Variants in NUDT7 observed in about 807,000 individuals in gnomAD.
NUDT7 encodes the protein nudix hydrolase 7.
Under a neutral mutation model 13.1 loss-of-function variants are expected in NUDT7, and 19 were observed. The observed-to-expected ratio is 1.45, with a 90% CI of 1.01 to 2.13. The LOEUF is 2.13. Among genes scored for constraint, NUDT7 ranks in the 30% most tolerant of loss-of-function variants. NUDT7 has a pLI of 0.00. For missense variants in NUDT7, 360 were observed against 291.7 expected (o/e 1.23, Z -1.71); for synonymous variants, 132 against 109.7 (o/e 1.20, Z -1.27).
At position 77,735,808 on chromosome 16, in the gene NUDT7, G is replaced by A. The variant is rs775121530; in HGVS notation, c.190-20G>A. 3.2e-5 allele frequency: 52 copies of A among 1,607,310 alleles called. No individual in the cohort carries two copies. The highest frequency in any genetic ancestry group is 1.7e-4 in the Middle Eastern group (1 of 6,038). ...CAAAATTAGAATCCCACATTGTAGCGCTGTTCTTTCTATATCCAGCTAAGA... is the reference window on the plus strand; with the variant it reads ...CAAAATTAGAATCCCACATTGTAGCACTGTTCTTTCTATATCCAGCTAAGA... On this transcript the variant is annotated intron_variant, in intron 2 of 3. Coordinates refer to ENST00000268533, the MANE Select transcript of NUDT7 (RefSeq NM_001105663.3).
At chr16:77,741,401 T>A (rs922966862) in intron 3 of NUDT7, 181 bp from the exon 4 acceptor site, 1 of 578,706 alleles carries the variant, frequency 1.7e-6, no homozygotes, top group Non-Finnish European at 3.0e-6. Flanking sequence ...AGATGTCACC[T>A]CAGGTAGAGC....
intron 3 of NUDT7, among the ~76,000 whole-genome samples, chr16:77,740,588 G>C (rs1031803551): frequency 6.6e-6 from 1 of 152,042 alleles, no homozygotes; most frequent in African/African-American, 2.4e-5. Flanking sequence ...CTGTCACCCA[G>C]GCTGGAGTGC....
chr16:77,729,573 C>T (rs899970307), intron 2 of NUDT7, among the ~76,000 whole-genome samples: 11 of 152,092 alleles, frequency 7.2e-5, no homozygotes, highest in Non-Finnish European at 1.0e-4. Flanking sequence ...CACCTGTAAT[C>T]CCAGCATTTT....
chr16:77,738,165 C>T (rs2014548777), intron 3 of NUDT7, among the ~76,000 whole-genome samples: 1 of 152,160 alleles, frequency 6.6e-6, no homozygotes, highest in African/African-American at 2.4e-5. Context: ...AATCCACCAG[C>T]ATTTGGAGGA....
intron 2 of NUDT7, among the ~76,000 whole-genome samples, chr16:77,727,255 G>A (rs1454307232): frequency 6.6e-6 from 1 of 152,172 alleles, no homozygotes; most frequent in Non-Finnish European, 1.5e-5. Flanking sequence ...AGCTGGTGAA[G>A]CAGTCATTTT....
Position 77,735,925 on chromosome 16 carries a change from A to C in NUDT7, c.287A>C (p.Glu96Ala). Reference sequence around the variant, plus strand: ...ACAGCTCTCCGGGAAGCCCAGGAGGAAGTGGGTCTCCGTCCTCACCAAGTG... The same window carrying C: ...ACAGCTCTCCGGGAAGCCCAGGAGGCAGTGGGTCTCCGTCCTCACCAAGTG... The part of the protein sequence containing the change: ...AATALREAQE[E>A]VGLRPHQVEV... Residue 96 changes from glutamate (E) to alanine (A), a missense_variant, in exon 3 of 4, where the codon GAA becomes GCA. Transcript: ENST00000268533. 1 of 1,613,894 alleles carries C rather than the reference A, an allele frequency of 6.2e-7. No individual in the cohort carries two copies. The highest frequency in any genetic ancestry group is 8.5e-7 in the Non-Finnish European group (1 of 1,179,856).
chr16:77,724,480 C>T (rs897326004), intron 1 of NUDT7, among the ~76,000 whole-genome samples: 4 of 151,226 alleles, frequency 2.6e-5, no homozygotes, highest in African/African-American at 9.8e-5. Flanking sequence ...ACCATGTTGA[C>T]CAGGCTGGTT....
At chr16:77,735,551 A>G (rs1356146127) in intron 2 of NUDT7, 4 of 543,234 alleles carry the variant, frequency 7.4e-6, no homozygotes, top group Non-Finnish European at 9.9e-6. Flanking sequence ...ACCCAGTCTC[A>G]GTTATTTATT....
At chr16:77,732,986 A>G (rs2014366308) in intron 2 of NUDT7, among the ~76,000 whole-genome samples, 1 of 152,202 alleles carries the variant, frequency 6.6e-6, no homozygotes, top group South Asian at 2.1e-4. Context: ...GTGAGTGTTC[A>G]AGACAGTAGA....
chr16:77,735,380 G>T (rs117306778), intron 2 of NUDT7: 30,021 of 546,450 alleles, frequency 0.055, 1,088 homozygotes, highest in East Asian at 0.11. Flanking sequence ...CCCTCTCTCT[G>T]TCTCCCGCTC....
rs2013992634 is a variant in NUDT7, at chr16:77,722,613, G to C, written c.31G>C (p.Val11Leu). MSRLGLPEEPVRNSLLDDAKA... is the reference protein window; with the variant it reads MSRLGLPEEPLRNSLLDDAKA... ...ACGACTTGGTCTTCCCGAGGAGCCAGTCAGGTAAAGGCTTTCCGGGCCCTG... is the reference window on the plus strand; with the variant it reads ...ACGACTTGGTCTTCCCGAGGAGCCACTCAGGTAAAGGCTTTCCGGGCCCTG... The change falls in exon 1 of 4, where the codon GTC becomes CTC. Residue 11 changes from valine to leucine, a missense_variant. By Grantham distance (32) the Val-to-Leu change is conservative (BLOSUM62 1). Transcript: ENST00000268533. 3 of 1,594,030 alleles carry C rather than the reference G, an allele frequency of 1.9e-6. No individual in the cohort carries two copies. Among genetic ancestry groups the C allele is most frequent in the Non-Finnish European group, 2.6e-6 (3 of 1,169,716 alleles).
intron 3 of NUDT7, 100 bp downstream of exon 3, chr16:77,736,086 C>A: frequency 8.8e-7 from 1 of 1,130,650 alleles, no homozygotes; most frequent in Non-Finnish European, 1.3e-6. Flanking sequence ...CCAAAGAGTA[C>A]TGTACATAAA....
At chr16:77,737,457 G>C (rs1013438186) in intron 3 of NUDT7, 1 of 151,722 alleles carries the variant, frequency 6.6e-6, no homozygotes, top group Non-Finnish European at 1.5e-5. Context: ...ATCAGAGGTA[G>C]GTATAAACTT....
chr16:77,732,326 CAA>C (rs371733996), intron 2 of NUDT7, among the ~76,000 whole-genome samples: 1 of 124,156 alleles, frequency 8.1e-6, no homozygotes. Context: ...GAACACGTCT[CAA>C]AAAAAAAAAA....
At chr16:77,729,114 C>G (rs1182637674) in intron 2 of NUDT7, among the ~76,000 whole-genome samples, 1 of 152,106 alleles carries the variant, frequency 6.6e-6, no homozygotes, top group East Asian at 1.9e-4. Flanking sequence ...TACTATTTAT[C>G]AAAAAAATAA....
At chr16:77,728,445 C>G (rs1478855953) in intron 2 of NUDT7, among the ~76,000 whole-genome samples, 1 of 152,102 alleles carries the variant, frequency 6.6e-6, no homozygotes, top group Non-Finnish European at 1.5e-5. Flanking sequence ...GTTGGTTGGC[C>G]AGGCTGATCT....
At chr16:77,734,192 G>A (rs1294038192) in intron 2 of NUDT7, among the ~76,000 whole-genome samples, 1 of 152,156 alleles carries the variant, frequency 6.6e-6, no homozygotes. Flanking sequence ...TGATAAATGT[G>A]TGTTGTACTG....
chr16:77,741,685 A>G lies in NUDT7; in HGVS notation c.452A>G (p.Tyr151Cys). The change falls in exon 4 of 4, where the codon TAT becomes TGT. Residue 151 changes from tyrosine to cysteine, a missense_variant. Coordinates refer to ENST00000268533, the MANE Select transcript of NUDT7 (RefSeq NM_001105663.3). The stretch of plus-strand genomic sequence containing the variant: ...GATGTATTCCTGGTGCCTCTGGCCT[A>G]TTTCCTGCATCCACAGGTCCATGAC... ...VKDVFLVPLAYFLHPQVHDQH... is the reference protein window; with the variant it reads ...VKDVFLVPLACFLHPQVHDQH... 2.5e-6 allele frequency: 4 copies of G among 1,614,116 alleles called. No homozygotes were observed. The highest frequency in any genetic ancestry group is 3.4e-6 in the Non-Finnish European group (4 of 1,180,040).
At chr16:77,734,473 A>G (rs2014415516) in intron 2 of NUDT7, among the ~76,000 whole-genome samples, 1 of 152,112 alleles carries the variant, frequency 6.6e-6, no homozygotes, top group African/African-American at 2.4e-5. Context: ...AATACAAAAA[A>G]TTAGCCGGGC....
Sources: allele counts gnomAD v4.1 joint callset (sites outside exome capture counted in the v4.1 genomes callset), GRCh38; gene constraint gnomAD v4.1.1; transcripts MANE v1.5; gene names NCBI Gene and HGNC (gene_info 2026-07-23, HGNC 2026-07-21).